FOXP1: variants seen among roughly 807,000 people sequenced by gnomAD.
FOXP1 encodes the protein forkhead box protein P1.
Under a neutral mutation model 98.2 loss-of-function variants are expected in FOXP1, and 15 were observed. That is an observed-to-expected ratio of 0.15 (90% confidence interval 0.10 to 0.24). The LOEUF is 0.24. FOXP1 is among the 10% of genes least tolerant of loss of function. FOXP1 has a pLI of 1.00. For synonymous variants in FOXP1, 371 were observed against 314.5 expected, an observed-to-expected ratio of 1.18 and a Z score of -1.90; for missense variants, 633 against 848.5, an observed-to-expected ratio of 0.75 and a Z score of 3.15.
intron 6 of FOXP1, among the ~76,000 whole-genome samples, chr3:71,177,750 G>C (rs1427333760): frequency 6.6e-6 from 1 of 151,792 alleles, no homozygotes; most frequent in Non-Finnish European, 1.5e-5. Context: ...GGAGAGCAGA[G>C]GCTTTCCATA....
chr3:71,428,312 A>G (rs1413409950), intron 3 of FOXP1, among the ~76,000 whole-genome samples: 1 of 152,178 alleles, frequency 6.6e-6, no homozygotes, highest in African/African-American at 2.4e-5. Context: ...CAAGTGGGAC[A>G]CTCTGTCAAG....
chr3:71,220,625 C>T (rs997912129), intron 5 of FOXP1, among the ~76,000 whole-genome samples: 12 of 152,028 alleles, frequency 7.9e-5, no homozygotes, highest in Admixed American at 1.3e-4. Flanking sequence ...TGGCAGTGCA[C>T]GCCTGTAGTC....
At position 70,957,686 on chromosome 3, in the gene FOXP1, T is replaced by G. The variant is rs1471617897; in HGVS notation, c.*1561A>C. 4.3e-6 allele frequency: 1 copy of G among 233,414 alleles called. No homozygotes were observed. The highest frequency in any genetic ancestry group is 5.6e-5 in the Admixed American group (1 of 17,774). 14.5% of individuals were successfully genotyped at this position (233,414 alleles called of 1,614,324 possible). Reference sequence around the variant, plus strand: ...TGTACTGACCTGTAACCATCACATTTCTGCATACCATGTTTGGGACCCCCC... The same window carrying G: ...TGTACTGACCTGTAACCATCACATTGCTGCATACCATGTTTGGGACCCCCC... On this transcript the variant is annotated 3_prime_UTR_variant, in exon 21 of 21. Coordinates refer to ENST00000649528, the MANE Select transcript of FOXP1 (RefSeq NM_001349338.3).
chr3:71,259,708 C>T (rs1435993634), intron 5 of FOXP1, among the ~76,000 whole-genome samples: 3 of 152,148 alleles, frequency 2.0e-5, no homozygotes, highest in Non-Finnish European at 4.4e-5. Flanking sequence ...AACAAAAGTG[C>T]CTACAAATCA....
chr3:71,065,522 C>T (rs2052368998), intron 7 of FOXP1: 3 of 152,366 alleles, frequency 2.0e-5, no homozygotes, highest in South Asian at 4.1e-4. Flanking sequence ...TTGGCCTCCC[C>T]ACACCCCTTT....
chr3:71,462,754 A>G (rs1019270899), intron 3 of FOXP1, among the ~76,000 whole-genome samples: 1 of 152,198 alleles, frequency 6.6e-6, no homozygotes, highest in Non-Finnish European at 1.5e-5. Flanking sequence ...AATTCAAACC[A>G]GCCACCGCCT....
At chr3:71,387,335 A>T (rs573171988) in intron 3 of FOXP1, among the ~76,000 whole-genome samples, 2 of 152,384 alleles carry the variant, frequency 1.3e-5, no homozygotes, top group East Asian at 3.9e-4. Flanking sequence ...AACTGGGTTA[A>T]TAACTTCATC....
At chr3:70,994,471 C>T (rs1364871342) in intron 13 of FOXP1, among the ~76,000 whole-genome samples, 2 of 152,192 alleles carry the variant, frequency 1.3e-5, no homozygotes, top group African/African-American at 4.8e-5. Flanking sequence ...TTCCATGGCT[C>T]CCTTGGCCTG....
At chr3:71,496,113 T>C (rs908331906) in intron 2 of FOXP1, among the ~76,000 whole-genome samples, 2 of 152,220 alleles carry the variant, frequency 1.3e-5, no homozygotes, top group Non-Finnish European at 2.9e-5. Context: ...TTTTCAAAGA[T>C]GGCAGCTAAC....
chr3:71,371,768 G>A (rs1157780367), intron 3 of FOXP1, among the ~76,000 whole-genome samples: 1 of 152,094 alleles, frequency 6.6e-6, no homozygotes, highest in African/African-American at 2.4e-5. Flanking sequence ...CAGCCTAGAT[G>A]GCAGAGAACA....
intron 6 of FOXP1, among the ~76,000 whole-genome samples, chr3:71,158,125 G>A (rs1296312109): frequency 0.033 from 701 of 20,978 alleles, 6 homozygotes; most frequent in Middle Eastern, 0.088. Context: ...GGGAGGGAGG[G>A]AGGGAGGGAG....
At chr3:71,351,495 A>G (rs764255000) in intron 4 of FOXP1, among the ~76,000 whole-genome samples, 1 of 152,204 alleles carries the variant, frequency 6.6e-6, no homozygotes, top group Non-Finnish European at 1.5e-5. Context: ...TTCAAGCCTA[A>G]TATTTTACTA....
At chr3:71,583,160 C>T (rs1343660173) in intron 1 of FOXP1, among the ~76,000 whole-genome samples, 2 of 152,082 alleles carry the variant, frequency 1.3e-5, no homozygotes, top group Non-Finnish European at 2.9e-5. Flanking sequence ...GATTTCTCTC[C>T]CCTAGGCGAT....
chr3:71,193,811 G>A (rs1185311035), intron 6 of FOXP1, among the ~76,000 whole-genome samples: 1 of 152,148 alleles, frequency 6.6e-6, no homozygotes, highest in Non-Finnish European at 1.5e-5. Context: ...ATTTCTCTGA[G>A]CTTCTTGCGT....
chr3:71,259,591 G>A (rs899972121), intron 5 of FOXP1, among the ~76,000 whole-genome samples: 10 of 152,148 alleles, frequency 6.6e-5, no homozygotes, highest in Non-Finnish European at 1.3e-4. Context: ...AAAGGGAGAC[G>A]ACCCCAATCG....
intron 6 of FOXP1, among the ~76,000 whole-genome samples, chr3:71,185,700 AACTT>A (rs1217457935): frequency 6.6e-6 from 1 of 152,148 alleles, no homozygotes; most frequent in African/African-American, 2.4e-5. Context: ...TGCAAATCCA[AACTT>A]ACTTGTCTCA....
At chr3:71,582,913 C>A in intron 1 of FOXP1, 1 of 644,954 alleles carries the variant, frequency 1.6e-6, no homozygotes, top group Non-Finnish European at 1.9e-6. Flanking sequence ...GGCCAGGCAC[C>A]ACAGTCAGTT....
chr3:71,137,943 G>A (rs1047437966), intron 6 of FOXP1, among the ~76,000 whole-genome samples: 19 of 151,932 alleles, frequency 1.3e-4, no homozygotes, highest in African/African-American at 4.6e-4. Flanking sequence ...CACCAGCCAG[G>A]CCCTCAAGGA....
chr3:71,158,833 A>G (rs1402895725), intron 6 of FOXP1, among the ~76,000 whole-genome samples: 8 of 151,908 alleles, frequency 5.3e-5, no homozygotes, highest in African/African-American at 1.9e-4. Flanking sequence ...GGGCCAAGCA[A>G]GGTGGCTCAT....
Sources: allele counts gnomAD v4.1 joint callset (sites outside exome capture counted in the v4.1 genomes callset), GRCh38; gene constraint gnomAD v4.1.1; transcripts MANE v1.5; gene names NCBI Gene and HGNC (gene_info 2026-07-23, HGNC 2026-07-21).